DMXL2: variants seen among roughly 807,000 people sequenced by gnomAD.
DMXL2 encodes the protein Dmx like 2.
Under a neutral mutation model 331.1 loss-of-function variants are expected in DMXL2, and 103 were observed. The observed-to-expected ratio is 0.31, with a 90% CI of 0.27 to 0.37. DMXL2 has a LOEUF of 0.37. DMXL2 is among the 10% of genes least tolerant of loss of function. The pLI, the probability that DMXL2 is intolerant of heterozygous loss-of-function variation, is 1.00. For missense variants in DMXL2, 3,171 were observed against 3,642.9 expected (o/e 0.87, Z 3.33); for synonymous variants, 1,281 against 1,252.1 (o/e 1.02, Z -0.49).
At chr15:51,527,754 CA>C (rs1244731652) in intron 13 of DMXL2, among the ~76,000 whole-genome samples, 1 of 149,708 alleles carries the variant, frequency 6.7e-6, no homozygotes, top group Non-Finnish European at 1.5e-5. Flanking sequence ...TCTGAAGGTA[CA>C]AAACTCACTG....
intron 2 of DMXL2, among the ~76,000 whole-genome samples, chr15:51,570,402 A>G (rs554521435): frequency 6.6e-6 from 1 of 152,216 alleles, no homozygotes; most frequent in Admixed American, 6.5e-5. Context: ...TCCCCAACCT[A>G]GAAAGACAGG....
rs2043389873 is a variant in DMXL2 at position 51,499,044 on chromosome 15, G to A, written c.4180C>T (p.His1394Tyr). 1 of 1,613,910 alleles carries A rather than the reference G, an allele frequency of 6.2e-7. No homozygotes were observed. Among genetic ancestry groups the A allele is most frequent in the Non-Finnish European group, 8.5e-7 (1 of 1,180,028 alleles). Reference sequence around the variant, plus strand: ...CTTACACTAATAGTTCGAGAGAGATGTCGCTTAGTTCCTTCTCCAGCATCA... The same window carrying A: ...CTTACACTAATAGTTCGAGAGAGATATCGCTTAGTTCCTTCTCCAGCATCA... ...DPDAGEGTKRHLSRTISVSGS... is the reference protein window; with the variant it reads ...DPDAGEGTKRYLSRTISVSGS... The change falls in exon 18 of 44, where the codon CAT becomes TAT. Residue 1394 changes from histidine (H) to tyrosine (Y), a missense_variant. Physicochemically the swap from His to Tyr is moderately conservative, Grantham distance 83. Around this residue, in one of 7 missense-constraint regions of DMXL2, gnomAD observed 1,674 missense variants for 1,780.2 expected, o/e 0.94. Transcript: ENST00000560891.
At chr15:51,473,460 CAAGA>C (rs746982780) in intron 28 of DMXL2, among the ~76,000 whole-genome samples, 3 of 152,080 alleles carry the variant, frequency 2.0e-5, no homozygotes, top group Admixed American at 6.6e-5. Context: ...AACCAAGCAG[CAAGA>C]AAGAGATTCA....
At chr15:51,458,455 G>T (rs11630842) in intron 36 of DMXL2, 51 bp downstream of exon 36, 1 of 1,577,656 alleles carries the variant, frequency 6.3e-7, no homozygotes, top group Non-Finnish European at 8.7e-7. Context: ...ATAACCATTT[G>T]GTGGGTACTT....
At position 51,499,986 on chromosome 15, in the gene DMXL2, C is replaced by T; in HGVS notation, c.3238G>A (p.Gly1080Ser). 6.2e-7 allele frequency: 1 copy of T among 1,614,028 alleles called. No individual in the cohort carries two copies. The highest frequency in any genetic ancestry group is 8.5e-7 in the Non-Finnish European group (1 of 1,179,958). Residue 1080 changes from glycine (G) to serine (S), a missense_variant, in exon 18 of 44, where the codon GGT (glycine) becomes AGT (serine). Transcript: ENST00000560891. ...RPVAVSCSYTGRLAVAYKQPI... is the reference protein window; with the variant it reads ...RPVAVSCSYTSRLAVAYKQPI... ...TGCTTATAAGCCACTGCAAGGCGAC[C>T]TGTGTATGAACAGCTAACAGCAACT...
Position 51,474,604 on chromosome 15 carries a change from T to C in DMXL2, c.6965-12A>G, listed in dbSNP as rs532598658. On this transcript the variant is annotated splice_polypyrimidine_tract_variant and intron_variant, in intron 27 of 43. Transcript: ENST00000560891. ...AAGTGAGCTCACACCTATAAGGGTA[T>C]ATAAAATCATAAGACGTATGTCAGG... 6 of 1,582,396 alleles carry C rather than the reference T, an allele frequency of 3.8e-6. No individual in the cohort carries two copies. Among genetic ancestry groups the C allele is most frequent in the South Asian group, 1.2e-5 (1 of 86,494 alleles).
rs545113689 is a variant in DMXL2 at position 51,560,746 on chromosome 15, C to T, written c.567+2635G>A. Among the ~76,000 whole-genome samples, 28 of 150,564 alleles carry T rather than the reference C, an allele frequency of 1.9e-4. No individual in the cohort carries two copies. In the East Asian group the frequency reaches 4.8e-3, roughly 26 times the overall value. On this transcript the variant is annotated intron_variant, in intron 6 of 43. Coordinates refer to ENST00000560891, the MANE Select transcript of DMXL2 (RefSeq NM_001378457.1). ...CAGAACTGTGGAAAACTAAATATTA[C>T]CTTATTTGGGAATTTAGATGAGTGA...
intron 41 of DMXL2, 45 bp from the exon 42 acceptor site, chr15:51,451,742 T>A (rs764159232): frequency 6.5e-7 from 1 of 1,534,660 alleles, no homozygotes; most frequent in South Asian, 1.2e-5. Context: ...AAATGATTGT[T>A]ATAAGTCGTC....
At chr15:51,539,435 A>C (rs1049632636) in intron 9 of DMXL2, among the ~76,000 whole-genome samples, 1 of 152,180 alleles carries the variant, frequency 6.6e-6, no homozygotes. Context: ...AAACACAAGA[A>C]GGCAGGCAAA....
chr15:51,524,658 A>G (rs181673691), intron 13 of DMXL2, among the ~76,000 whole-genome samples: 123 of 152,274 alleles, frequency 8.1e-4, no homozygotes, highest in Admixed American at 5.8e-3. Flanking sequence ...TATAGCAGAA[A>G]GAAAAACCAG....
intron 1 of DMXL2, among the ~76,000 whole-genome samples, chr15:51,611,924 A>T (rs1375063984): frequency 1.3e-5 from 2 of 152,328 alleles, no homozygotes; most frequent in African/African-American, 4.8e-5. Flanking sequence ...AGGGAATAAA[A>T]GCTGGCTACC....
intron 1 of DMXL2, among the ~76,000 whole-genome samples, chr15:51,604,876 G>C (rs2053473040): frequency 1.3e-5 from 2 of 152,240 alleles, no homozygotes; most frequent in African/African-American, 4.8e-5. Context: ...CAGTGGTATT[G>C]TGGCAAAAGG....
chr15:51,448,966 A>AAAAT lies in DMXL2; in HGVS notation c.*14_*17dup. The AAAAT allele has an allele frequency of 6.2e-7, 1 of 1,612,282 alleles. No homozygotes were observed. Among genetic ancestry groups the AAAAT allele is most frequent in the South Asian group, 1.1e-5 (1 of 90,852 alleles). ...GTGCCTTTTAACTGAAATGTATATAAAAATAAAACCCCAATCTTTATAGAA... is the reference window on the plus strand; with the variant it reads ...GTGCCTTTTAACTGAAATGTATATAAAAATAAATAAAACCCCAATCTTTATAGAA... On this transcript the variant is annotated 3_prime_UTR_variant, in exon 44 of 44. Transcript: ENST00000560891.
intron 6 of DMXL2, among the ~76,000 whole-genome samples, chr15:51,562,466 A>G (rs927538141): frequency 1.3e-5 from 2 of 152,208 alleles, no homozygotes; most frequent in Admixed American, 1.3e-4. Context: ...AACAAAGGAG[A>G]GAGGCAAAGA....
intron 1 of DMXL2, among the ~76,000 whole-genome samples, chr15:51,600,483 T>C (rs916982703): frequency 3.3e-5 from 5 of 152,198 alleles, no homozygotes; most frequent in Non-Finnish European, 7.4e-5. Flanking sequence ...CCTAGGTCCT[T>C]TCTCTTTCAT....
In DMXL2 at chr15:51,507,198, G is replaced by T. The variant is rs1389815487; in HGVS notation, c.2700C>A (p.Asp900Glu). ...TATGCAGAATAGAGTTATTATTGCT[G>T]TCCTTCTCAATTACTACTAGAAAGA... ...EKFFLVVIEKDSNNNSILHMW... is the reference protein window; with the variant it reads ...EKFFLVVIEKESNNNSILHMW... Residue 900 changes from aspartate (D) to glutamate (E), a missense_variant, in exon 16 of 44, where the codon GAC becomes GAA. Coordinates refer to ENST00000560891, the MANE Select transcript of DMXL2 (RefSeq NM_001378457.1). The T allele has an allele frequency of 6.2e-7, 1 of 1,611,118 alleles. No homozygotes were observed. The highest frequency in any genetic ancestry group is 1.1e-5 in the South Asian group (1 of 90,900).
At chr15:51,503,238 G>A (rs1596033933) in intron 16 of DMXL2, among the ~76,000 whole-genome samples, 2 of 152,238 alleles carry the variant, frequency 1.3e-5, no homozygotes, top group South Asian at 2.1e-4. Flanking sequence ...CCAAAGGAAA[G>A]GAAATCAGTA....
At chr15:51,582,552 G>A (rs1187339115) in intron 1 of DMXL2, among the ~76,000 whole-genome samples, 3 of 152,090 alleles carry the variant, frequency 2.0e-5, no homozygotes, top group Admixed American at 1.3e-4. Context: ...CAACCAAGAG[G>A]ACAAAACACA....
At chr15:51,452,405 TAAC>T (rs1287627719) in intron 41 of DMXL2, among the ~76,000 whole-genome samples, 2 of 151,796 alleles carry the variant, frequency 1.3e-5, no homozygotes, top group South Asian at 2.1e-4. Flanking sequence ...ACAAGGAACT[TAAC>T]AAGAAAAAAC....
Sources: gnomAD v4.1 joint callset for allele counts (sites outside exome capture counted in the v4.1 genomes callset) on GRCh38, gnomAD v4.1.1 for gene constraint, gnomAD v4.1.1 regional missense constraint, MANE v1.5 for transcripts, NCBI Gene and HGNC (gene_info 2026-07-23, HGNC 2026-07-21) for gene names.